Variants in TYR observed in about 807,000 individuals in gnomAD.
TYR encodes LB24-AB.
TYR carries 58 observed loss-of-function variants against 51.5 expected under a neutral mutation model. The ratio of observed to expected loss-of-function variants is 1.13; its 90% confidence interval spans 0.91 to 1.40. The LOEUF (loss-of-function observed/expected upper bound fraction) is 1.40. Among genes scored for constraint, TYR ranks in the 40% most tolerant of loss-of-function variants. The pLI, the probability that TYR is intolerant of heterozygous loss-of-function variation, is 0.00. For missense variants in TYR, 732 were observed against 647.4 expected, an observed-to-expected ratio of 1.13 and a Z score of -1.42; for synonymous variants, 263 against 235.2, an observed-to-expected ratio of 1.12 and a Z score of -1.08.
chr11:89,287,981 T>C (rs1019375731), intron 4 of TYR, among the ~76,000 whole-genome samples: 2 of 151,944 alleles, frequency 1.3e-5, no homozygotes, highest in Non-Finnish European at 2.9e-5. Flanking sequence ...GGCTTTACGC[T>C]TTCTGGCCTG....
chr11:89,216,647 C>CAAAAAAAAAAAA (rs11411684), intron 2 of TYR, among the ~76,000 whole-genome samples: 99 of 80,792 alleles, frequency 1.2e-3, no homozygotes, highest in African/African-American at 4.4e-3. Flanking sequence ...TTTTCCATCT[C>CAAAAAAAAAAAA]AAAAAAAAAA....
intron 3 of TYR, among the ~76,000 whole-genome samples, chr11:89,231,579 G>C (rs1336352703): frequency 7.0e-6 from 1 of 143,174 alleles, no homozygotes; most frequent in Non-Finnish European, 1.5e-5. Flanking sequence ...TATTTGTGGA[G>C]TCAAAAGAAA....
At chr11:89,258,995 C>G (rs1237592351) in intron 3 of TYR, among the ~76,000 whole-genome samples, 1 of 152,040 alleles carries the variant, frequency 6.6e-6, no homozygotes, top group Non-Finnish European at 1.5e-5. Context: ...AAAAGTATTT[C>G]TCAATCCTTG....
At chr11:89,195,434 T>A (rs1943504626) in intron 2 of TYR, among the ~76,000 whole-genome samples, 1 of 152,104 alleles carries the variant, frequency 6.6e-6, no homozygotes, top group Admixed American at 6.5e-5. Context: ...AACCCAGCAA[T>A]TTGGAAGTCC....
chr11:89,246,248 G>A (rs1944266170), intron 3 of TYR, among the ~76,000 whole-genome samples: 1 of 152,126 alleles, frequency 6.6e-6, no homozygotes, highest in Non-Finnish European at 1.5e-5. Flanking sequence ...CAGAAGTTCC[G>A]TGATTATGTC....
chr11:89,185,772 G>T (rs1301641392), intron 1 of TYR, among the ~76,000 whole-genome samples: 1 of 151,832 alleles, frequency 6.6e-6, no homozygotes, highest in East Asian at 1.9e-4. Context: ...TAAATCTAAG[G>T]TATCAATGAA....
chr11:89,277,752 G>A (rs756274804), intron 3 of TYR, among the ~76,000 whole-genome samples: 1 of 151,540 alleles, frequency 6.6e-6, no homozygotes, highest in Non-Finnish European at 1.5e-5. Flanking sequence ...TGGCCCCTCA[G>A]TTGTACTGCT....
chr11:89,249,139 T>C (rs1357931778), intron 3 of TYR, among the ~76,000 whole-genome samples: 1 of 151,998 alleles, frequency 6.6e-6, no homozygotes, highest in Non-Finnish European at 1.5e-5. Context: ...AAGTAGTCAG[T>C]TGAATCTTGG....
Position 89,189,803 on chromosome 11 carries a change from C to T in TYR, c.820-1399C>T, listed in dbSNP as rs1223874519. ...AAGTGGTAGATGCAACACTAGAATCCTGTTCCAGGTTTTAACTTTTATGGC... is the reference window on the plus strand; with the variant it reads ...AAGTGGTAGATGCAACACTAGAATCTTGTTCCAGGTTTTAACTTTTATGGC... On this transcript the variant is annotated intron_variant, in intron 1 of 4. Transcript: ENST00000263321. 8.5e-5 allele frequency among the ~76,000 whole-genome samples: 13 copies of T among 152,230 alleles called. No individual in the cohort carries two copies. In the South Asian group the frequency reaches 2.5e-3, roughly 29 times the overall value.
intron 2 of TYR, 53 bp from the exon 3 acceptor site, chr11:89,227,770 G>A: frequency 4.0e-6 from 6 of 1,486,328 alleles, no homozygotes; most frequent in South Asian, 1.1e-5. Context: ...TAATCACATA[G>A]GTTTTCAGTC....
In TYR at chr11:89,227,850, C is replaced by T. The variant is rs151206295; in HGVS notation, c.1064C>T (p.Ala355Val). The T allele has an allele frequency of 9.7e-5, 157 of 1,612,782 alleles. 1 individual carries two copies. The highest frequency in any genetic ancestry group is 3.0e-4 in the South Asian group (27 of 91,052). ...TTTGCTAGTCCACTTACTGGGATAGCGGATGCCTCTCAAAGCAGCATGCAC... is the reference window on the plus strand; with the variant it reads ...TTTGCTAGTCCACTTACTGGGATAGTGGATGCCTCTCAAAGCAGCATGCAC... ...EGFASPLTGI[A>V]DASQSSMHNA... The change falls in exon 3 of 5, where the codon GCG becomes GTG. Residue 355 changes from alanine (A) to valine (V), a missense_variant. By Grantham distance (64) the Ala-to-Val change is moderately conservative. Transcript: ENST00000263321.
At chr11:89,290,355 A>G (rs1159952430) in intron 4 of TYR, among the ~76,000 whole-genome samples, 7 of 152,088 alleles carry the variant, frequency 4.6e-5, no homozygotes, top group African/African-American at 1.2e-4. Context: ...AAAGTGGAGC[A>G]ATAGTAAGAG....
chr11:89,248,450 C>T (rs1181002323), intron 3 of TYR, among the ~76,000 whole-genome samples: 1 of 151,942 alleles, frequency 6.6e-6, no homozygotes, highest in African/African-American at 2.4e-5. Context: ...GAAGAGGTAG[C>T]CATAGAAATC....
chr11:89,253,396 G>A (rs1481294384), intron 3 of TYR, among the ~76,000 whole-genome samples: 1 of 151,556 alleles, frequency 6.6e-6, no homozygotes, highest in African/African-American at 2.4e-5. Context: ...TGGTATCTAG[G>A]TAATGCTGAC....
intron 3 of TYR, among the ~76,000 whole-genome samples, chr11:89,262,026 C>G (rs957485623): frequency 6.6e-6 from 1 of 151,848 alleles, no homozygotes; most frequent in African/African-American, 2.4e-5. Context: ...TATACCAAAG[C>G]CATGGAGAAT....
chr11:89,287,043 T>A (rs775161712), intron 4 of TYR, among the ~76,000 whole-genome samples: 1 of 151,878 alleles, frequency 6.6e-6, no homozygotes, highest in Non-Finnish European at 1.5e-5. Flanking sequence ...AACTCTCAGA[T>A]ATAAAAATCA....
chr11:89,273,959 T>C (rs1292114069), intron 3 of TYR, among the ~76,000 whole-genome samples: 1 of 151,890 alleles, frequency 6.6e-6, no homozygotes, highest in Non-Finnish European at 1.5e-5. Flanking sequence ...AATGTCTTCA[T>C]TTCAACTTAA....
chr11:89,231,185 A>AAAAAAAAGG (rs1944044065), intron 3 of TYR, among the ~76,000 whole-genome samples: 1 of 120,212 alleles, frequency 8.3e-6, no homozygotes, highest in Non-Finnish European at 1.6e-5. Context: ...AAAAAAAAAA[A>AAAAAAAAGG]AAAAAAGGAA....
At chr11:89,222,962 A>C (rs1943931543) in intron 2 of TYR, among the ~76,000 whole-genome samples, 1 of 152,180 alleles carries the variant, frequency 6.6e-6, no homozygotes, top group South Asian at 2.1e-4. Flanking sequence ...AGATAATAAC[A>C]CATTCTGCAC....
Sources: gnomAD v4.1 joint callset for allele counts (sites outside exome capture counted in the v4.1 genomes callset) on GRCh38, gnomAD v4.1.1 for gene constraint, MANE v1.5 for transcripts, NCBI Gene and HGNC (gene_info 2026-07-23, HGNC 2026-07-21) for gene names.